ZRANB3: variants seen among roughly 807,000 people sequenced by gnomAD.
ZRANB3 encodes the protein DNA annealing helicase and endonuclease ZRANB3.
ZRANB3 carries 125 observed loss-of-function variants against 133.8 expected under a neutral mutation model. The ratio of observed to expected loss-of-function variants is 0.93; its 90% CI spans 0.81 to 1.08. The LOEUF is 1.08. Ranked by LOEUF, ZRANB3 falls within the 50% of genes least tolerant of loss-of-function variation. The pLI is 0.00. For missense variants in ZRANB3, 1,229 were observed against 1,275.5 expected, an observed-to-expected ratio of 0.96 and a Z score of 0.56; for synonymous variants, 387 against 432.7, an observed-to-expected ratio of 0.89 and a Z score of 1.31.
At chr2:135,248,346 T>C (rs1695894081) in intron 12 of ZRANB3, among the ~76,000 whole-genome samples, 2 of 152,130 alleles carry the variant, frequency 1.3e-5, no homozygotes, top group Admixed American at 6.5e-5. Flanking sequence ...GGAGACAACA[T>C]AGGCAATACC....
At chr2:135,485,833 A>T (rs1451238133) in intron 2 of ZRANB3, among the ~76,000 whole-genome samples, 1 of 152,248 alleles carries the variant, frequency 6.6e-6, no homozygotes, top group Admixed American at 6.5e-5. Context: ...AAGGGTAATG[A>T]ACATGTGATC....
chr2:135,251,910 C>T (rs1679416093), intron 12 of ZRANB3, among the ~76,000 whole-genome samples: 2 of 152,156 alleles, frequency 1.3e-5, no homozygotes, highest in Admixed American at 1.3e-4. Flanking sequence ...TGGTGTGTGC[C>T]TGTAGTCCCA....
intron 12 of ZRANB3, among the ~76,000 whole-genome samples, chr2:135,241,875 G>A (rs1259853323): frequency 6.6e-6 from 1 of 152,062 alleles, no homozygotes; most frequent in Non-Finnish European, 1.5e-5. Flanking sequence ...AGCAGGTTTG[G>A]AGTTCATAAG....
At chr2:135,372,833 C>A (rs990630142) in intron 3 of ZRANB3, among the ~76,000 whole-genome samples, 1 of 148,190 alleles carries the variant, frequency 6.7e-6, no homozygotes, top group East Asian at 2.0e-4. Context: ...CACGGATAAT[C>A]CTAGCACTTT....
At chr2:135,423,121 T>C (rs1411135582) in intron 2 of ZRANB3, among the ~76,000 whole-genome samples, 1 of 152,184 alleles carries the variant, frequency 6.6e-6, no homozygotes, top group African/African-American at 2.4e-5. Context: ...CATTATTCCT[T>C]GTATTTTTCT....
At chr2:135,504,919 A>C (rs996703040) in intron 1 of ZRANB3, among the ~76,000 whole-genome samples, 3 of 152,174 alleles carry the variant, frequency 2.0e-5, no homozygotes, top group African/African-American at 7.2e-5. Context: ...AGATTTTCTA[A>C]GAGTGAGGTA....
chr2:135,323,136 A>T (rs777645797), intron 6 of ZRANB3, among the ~76,000 whole-genome samples: 7 of 152,196 alleles, frequency 4.6e-5, no homozygotes, highest in Non-Finnish European at 1.0e-4. Flanking sequence ...CTTTATAAAC[A>T]ATTATAAACA....
intron 2 of ZRANB3, among the ~76,000 whole-genome samples, chr2:135,402,234 ATAATT>A (rs1264968653): frequency 6.6e-6 from 1 of 151,964 alleles, no homozygotes; most frequent in Non-Finnish European, 1.5e-5. Flanking sequence ...ATTTGAGGCA[ATAATT>A]TAATATTTCA....
intron 12 of ZRANB3, among the ~76,000 whole-genome samples, chr2:135,263,779 A>C (rs1165860888): frequency 6.6e-6 from 1 of 151,504 alleles, no homozygotes; most frequent in African/African-American, 2.4e-5. Flanking sequence ...AGTTCATAGT[A>C]ATTTTTTTTT....
chr2:135,473,179 T>C (rs1015835877), intron 2 of ZRANB3, among the ~76,000 whole-genome samples: 5 of 152,240 alleles, frequency 3.3e-5, no homozygotes, highest in Admixed American at 3.3e-4. Context: ...TAAACTCTGG[T>C]AGCCACCTTC....
At chr2:135,217,422 GA>G (rs1558835880) in intron 17 of ZRANB3, 42 bp downstream of exon 17, 3 of 1,525,076 alleles carry the variant, frequency 2.0e-6, no homozygotes, top group South Asian at 2.6e-5. Context: ...AAAGAACCAT[GA>G]AAAGTAATAT....
At chr2:135,403,432 G>C (rs1022654765) in intron 2 of ZRANB3, among the ~76,000 whole-genome samples, 1 of 152,214 alleles carries the variant, frequency 6.6e-6, no homozygotes, top group African/African-American at 2.4e-5. Context: ...GCGGAGGCTT[G>C]AGTAGGTAAA....
At chr2:135,360,237 C>T (rs904250979) in intron 3 of ZRANB3, among the ~76,000 whole-genome samples, 1 of 151,626 alleles carries the variant, frequency 6.6e-6, no homozygotes, top group Non-Finnish European at 1.5e-5. Context: ...AAAAATTAGC[C>T]CGGCATAGTG....
At chr2:135,391,147 C>T (rs943676414) in intron 2 of ZRANB3, among the ~76,000 whole-genome samples, 1 of 152,194 alleles carries the variant, frequency 6.6e-6, no homozygotes, top group Non-Finnish European at 1.5e-5. Flanking sequence ...GCGTGAGCAA[C>T]TGTGCCCGGC....
At chr2:135,318,936 C>G (rs1392218222) in intron 6 of ZRANB3, among the ~76,000 whole-genome samples, 4 of 152,154 alleles carry the variant, frequency 2.6e-5, no homozygotes, top group African/African-American at 9.7e-5. Context: ...TCTCAGCTTT[C>G]TAAATTAGCT....
chr2:135,237,944 A>G (rs1313943713), intron 12 of ZRANB3, among the ~76,000 whole-genome samples: 1 of 151,930 alleles, frequency 6.6e-6, no homozygotes, highest in Non-Finnish European at 1.5e-5. Flanking sequence ...ACTAAAAACA[A>G]AAAACAAAAA....
chr2:135,207,708 C>A lies in ZRANB3; in HGVS notation c.2735G>T (p.Cys912Phe). 6.2e-7 allele frequency: 1 copy of A among 1,613,956 alleles called. No homozygotes were observed. The highest frequency in any genetic ancestry group is 8.5e-7 in the Non-Finnish European group (1 of 1,179,894). The part of the protein sequence containing the change: ...QAVDNEGNPL[C>F]LRCQQPTCQT... ...GCAAGTGGGTTGCTGACAGCGAAGG[C>A]AAAGTGGATTTCCTTCATTATCCAC... Residue 912 changes from cysteine (C) to phenylalanine (F), a missense_variant, in exon 19 of 21, where the codon TGC (cysteine) becomes TTC (phenylalanine). Physicochemically the swap from Cys to Phe is radical, Grantham distance 205. Coordinates refer to ENST00000264159, the MANE Select transcript of ZRANB3 (RefSeq NM_032143.4).
intron 12 of ZRANB3, among the ~76,000 whole-genome samples, chr2:135,262,770 G>A (rs1680027283): frequency 6.6e-6 from 1 of 151,200 alleles, no homozygotes; most frequent in South Asian, 2.1e-4. Flanking sequence ...GATAGGCAGA[G>A]AGCCTGTCTT....
intron 2 of ZRANB3, among the ~76,000 whole-genome samples, chr2:135,483,121 G>A (rs1224951171): frequency 1.3e-4 from 20 of 152,098 alleles, no homozygotes; most frequent in African/African-American, 4.8e-4. Flanking sequence ...TCAGAATGAT[G>A]CTGGCCTCAT....
Sources: allele counts gnomAD v4.1 joint callset (sites outside exome capture counted in the v4.1 genomes callset), GRCh38; gene constraint gnomAD v4.1.1; transcripts MANE v1.5; gene names NCBI Gene and HGNC (gene_info 2026-07-23, HGNC 2026-07-21).